RELN: variants seen among roughly 807,000 people sequenced by gnomAD.
RELN encodes reelin.
A neutral mutation model predicts 427.6 loss-of-function variants in RELN; 108 were observed. The observed-to-expected ratio is 0.25, with a 90% CI of 0.22 to 0.30. The LOEUF is 0.30. Among genes scored for constraint, RELN ranks in the 10% least tolerant of loss-of-function variants. The pLI is 1.00. For synonymous variants in RELN, 1,524 were observed against 1,513.4 expected, an observed-to-expected ratio of 1.01 and a Z score of -0.16; for missense variants, 3,715 against 4,302.8, an observed-to-expected ratio of 0.86 and a Z score of 3.82.
Position 103,791,783 on chromosome 7 carries a change from A to T in RELN, c.474-15156T>A, listed in dbSNP as rs543578640. Among the ~76,000 whole-genome samples the T allele has an allele frequency of 9.2e-3, 122 of 13,284 alleles. 1 individual carries two copies. The highest frequency in any genetic ancestry group is 0.023 in the East Asian group (7 of 298). 8.7% of individuals were successfully genotyped at this position (13,284 alleles called of 152,430 possible). ...AAAGGATACCATTTAAAAAGTTTTT[A>T]AAAAAAAAGACCCACAGAATGAGAG... On this transcript the variant is annotated intron_variant, in intron 3 of 64. Coordinates refer to ENST00000428762, the MANE Select transcript of RELN (RefSeq NM_005045.4).
chr7:103,926,627 G>GTTTTTTTTTTTTTTTTT (rs60259062), intron 1 of RELN, among the ~76,000 whole-genome samples: 6 of 99,480 alleles, frequency 6.0e-5, no homozygotes, highest in African/African-American at 1.8e-4. Flanking sequence ...AGTATCATAA[G>GTTTTTTTTTTTTTTTTT]TTTTTTTTTT....
intron 1 of RELN, among the ~76,000 whole-genome samples, chr7:103,964,115 C>T (rs955036208): frequency 2.0e-5 from 3 of 152,116 alleles, no homozygotes; most frequent in Admixed American, 6.5e-5. Context: ...GCTATAACTG[C>T]GACATTGCAC....
At chr7:103,780,048 T>C (rs1791847794) in intron 3 of RELN, among the ~76,000 whole-genome samples, 1 of 152,164 alleles carries the variant, frequency 6.6e-6, no homozygotes, top group Non-Finnish European at 1.5e-5. Context: ...TTTAAAGAAA[T>C]GTCTTCTCTG....
intron 2 of RELN, among the ~76,000 whole-genome samples, chr7:103,870,624 T>C (rs1794308199): frequency 6.6e-6 from 1 of 152,108 alleles, no homozygotes; most frequent in Non-Finnish European, 1.5e-5. Flanking sequence ...TTCTGGTATC[T>C]CAGCTAGATG....
intron 1 of RELN, among the ~76,000 whole-genome samples, chr7:103,975,556 T>TA (rs1796857166): frequency 6.6e-6 from 1 of 150,470 alleles, no homozygotes; most frequent in Non-Finnish European, 1.5e-5. Flanking sequence ...TTTATTTATT[T>TA]ATTTATTTTG....
chr7:103,522,852 C>CAGA (rs1554369904), intron 47 of RELN, among the ~76,000 whole-genome samples: 9,674 of 150,460 alleles, frequency 0.064, 348 homozygotes, highest in South Asian at 0.11. Flanking sequence ...CACACACACA[C>CAGA]CCCCACACCT....
At chr7:103,716,513 A>G (rs1422104373) in intron 8 of RELN, among the ~76,000 whole-genome samples, 1 of 152,238 alleles carries the variant, frequency 6.6e-6, no homozygotes, top group Non-Finnish European at 1.5e-5. Flanking sequence ...TGGAAACTGC[A>G]GGCTCAGACT....
chr7:103,697,460 G>A (rs958110753), intron 10 of RELN, among the ~76,000 whole-genome samples: 1 of 152,026 alleles, frequency 6.6e-6, no homozygotes, highest in Non-Finnish European at 1.5e-5. Context: ...TTATACTGTA[G>A]TTTCTCAATA....
At chr7:103,804,496 C>G (rs1733877452) in intron 3 of RELN, among the ~76,000 whole-genome samples, 1 of 152,066 alleles carries the variant, frequency 6.6e-6, no homozygotes, top group South Asian at 2.1e-4. Context: ...GTGGCAGCGA[C>G]AATGCATATA....
At chr7:103,682,044 T>A in intron 11 of RELN, 72 bp downstream of exon 11, 1 of 1,404,902 alleles carries the variant, frequency 7.1e-7, no homozygotes, top group South Asian at 1.2e-5. Flanking sequence ...TTTAACAATA[T>A]GCATTTAAAA....
At chr7:103,701,814 A>G (rs1834098596) in intron 8 of RELN, among the ~76,000 whole-genome samples, 1 of 152,150 alleles carries the variant, frequency 6.6e-6, no homozygotes, top group African/African-American at 2.4e-5. Flanking sequence ...TATCTTTAAA[A>G]TGAATGAACC....
At chr7:103,816,887 C>T (rs896516622) in intron 3 of RELN, among the ~76,000 whole-genome samples, 13 of 151,924 alleles carry the variant, frequency 8.6e-5, no homozygotes, top group Admixed American at 3.3e-4. Context: ...AGTCTTGCTG[C>T]GATGCCCAGG....
At chr7:103,651,190 G>T in intron 15 of RELN, among the ~76,000 whole-genome samples, 1 of 151,934 alleles carries the variant, frequency 6.6e-6, no homozygotes, top group East Asian at 1.9e-4. Flanking sequence ...CTGTAATGTG[G>T]CAAGTATTTT....
chr7:103,761,317 C>T (rs117390469), intron 4 of RELN, among the ~76,000 whole-genome samples: 10,611 of 152,188 alleles, frequency 0.07, 518 homozygotes, highest in Non-Finnish European at 0.1. Flanking sequence ...ATTGTCTTAC[C>T]ATGCTCATGT....
intron 27 of RELN, among the ~76,000 whole-genome samples, chr7:103,591,979 G>T (rs1458147120): frequency 2.0e-5 from 3 of 151,840 alleles, no homozygotes; most frequent in African/African-American, 4.8e-5. Context: ...CTGATTTTTG[G>T]TCTCCCTCTA....
At position 103,575,624 on chromosome 7, in the gene RELN, G is replaced by T. The variant is rs149436053; in HGVS notation, c.4227C>A (p.Ser1409=). 2.5e-6 allele frequency: 4 copies of T among 1,614,084 alleles called. No individual in the cohort carries two copies. The South Asian group carries it at 3.3e-5, about 13-fold the overall frequency. ...CACTGCAGTAACTGGGACAAGGCTC[G>T]GATATGTACACTCCATCTAAACCAA... ...PPFGLDGVYI[S]EPCPSYCSGH... Residue 1409 remains serine, a synonymous_variant, in exon 29 of 65, where the codon TCC becomes TCA. Coordinates refer to ENST00000428762, the MANE Select transcript of RELN (RefSeq NM_005045.4).
intron 2 of RELN, among the ~76,000 whole-genome samples, chr7:103,893,906 T>C (rs1461053382): frequency 6.6e-6 from 1 of 152,172 alleles, no homozygotes; most frequent in Non-Finnish European, 1.5e-5. Context: ...AGCAGACTAA[T>C]ATATAAGTAA....
At chr7:103,539,603 A>G in intron 44 of RELN, 1 of 458,942 alleles carries the variant, frequency 2.2e-6, no homozygotes, top group Non-Finnish European at 4.0e-6. Flanking sequence ...ACATGTACCC[A>G]AGCTGGGAAG....
Position 103,839,542 on chromosome 7 carries a change from T to C in RELN, c.338-5870A>G, listed in dbSNP as rs17156555. On this transcript the variant is annotated intron_variant, in intron 2 of 64. Coordinates refer to ENST00000428762, the MANE Select transcript of RELN (RefSeq NM_005045.4). ...ATAGAGAACATAGTCCTTGCCCTGA[T>C]ATGACTTGAGCTGGGAAGAGAAAAC... 3.7e-3 allele frequency among the ~76,000 whole-genome samples: 565 copies of C among 152,256 alleles called. 18 individuals are homozygous for C. The East Asian group carries it at 0.061, about 17-fold the overall frequency.
Sources: gnomAD v4.1 joint callset for allele counts (sites outside exome capture counted in the v4.1 genomes callset) on GRCh38, gnomAD v4.1.1 for gene constraint, MANE v1.5 for transcripts, NCBI Gene and HGNC (gene_info 2026-07-23, HGNC 2026-07-21) for gene names.